SREK1IP1: variants seen among roughly 807,000 people sequenced by gnomAD.
SREK1IP1 encodes SREK1 interacting protein 1, also known as protein SREK1IP1.
A neutral mutation model predicts 22.8 loss-of-function variants in SREK1IP1; 12 were observed. That is an observed-to-expected ratio of 0.53 (90% CI 0.34 to 0.85). The LOEUF (loss-of-function observed/expected upper bound fraction) is 0.85, where lower values mean the gene tolerates loss of function less well. Among genes scored for constraint, SREK1IP1 ranks in the 40% least tolerant of loss-of-function variants. The probability of loss-of-function intolerance (pLI) is 0.02; values close to 1 mark genes in which losing one functional copy is unlikely to be tolerated. For missense variants in SREK1IP1, 147 were observed against 171.8 expected, an observed-to-expected ratio of 0.86 and a Z score of 0.81; for synonymous variants, 53 against 52.7, an observed-to-expected ratio of 1.01 and a Z score of -0.02.
At chr5:64,745,604 C>T (rs1174310219) in intron 2 of SREK1IP1, among the ~76,000 whole-genome samples, 12 of 151,872 alleles carry the variant, frequency 7.9e-5, no homozygotes, top group Admixed American at 7.9e-4. Flanking sequence ...AAAAAAACTC[C>T]TGATGCTCAA....
At chr5:64,729,697 G>A (rs1166544994) in intron 3 of SREK1IP1, among the ~76,000 whole-genome samples, 1 of 152,116 alleles carries the variant, frequency 6.6e-6, no homozygotes, top group African/African-American at 2.4e-5. Flanking sequence ...GCCAGAGATG[G>A]TGTCCTGAGG....
In SREK1IP1 at chr5:64,722,382, C is replaced by T. The variant is rs1742182541; in HGVS notation, c.*2002G>A. ...AACTTACAAGTAATTAACTATTTCA[C>T]TACAATTACTATCATTTTTAACTAT... On this transcript the variant is annotated 3_prime_UTR_variant, in exon 5 of 5. Coordinates refer to ENST00000513458, the MANE Select transcript of SREK1IP1 (RefSeq NM_173829.4). 2 of 152,154 alleles carry T rather than the reference C, an allele frequency of 1.3e-5. No individual in the cohort carries two copies. Among genetic ancestry groups the T allele is most frequent in the Non-Finnish European group, 2.9e-5 (2 of 68,028 alleles). 9.4% of individuals were successfully genotyped at this position (152,154 alleles called of 1,614,324 possible).
chr5:64,725,016 A>T (rs942812963), intron 4 of SREK1IP1, among the ~76,000 whole-genome samples: 8 of 152,312 alleles, frequency 5.3e-5, no homozygotes, highest in Non-Finnish European at 7.4e-5. Context: ...GTACGTTCAT[A>T]TGAATGAATG....
intron 3 of SREK1IP1, among the ~76,000 whole-genome samples, chr5:64,736,041 A>G (rs1396513925): frequency 6.6e-6 from 1 of 152,174 alleles, no homozygotes; most frequent in African/African-American, 2.4e-5. Flanking sequence ...GGCATACCAC[A>G]AATGTGTTTT....
intron 2 of SREK1IP1, among the ~76,000 whole-genome samples, chr5:64,752,291 A>G (rs1742760066): frequency 6.6e-6 from 1 of 151,702 alleles, no homozygotes; most frequent in Non-Finnish European, 1.5e-5. Flanking sequence ...AGCTGGGACT[A>G]CAGGCGCCCG....
chr5:64,740,461 G>C (rs1317567074), intron 3 of SREK1IP1, among the ~76,000 whole-genome samples: 1 of 151,960 alleles, frequency 6.6e-6, no homozygotes, highest in Non-Finnish European at 1.5e-5. Context: ...AACTTTCTTT[G>C]GTATAAGTAA....
chr5:64,718,411 A>G lies in SREK1IP1; in HGVS notation c.*5973T>C, dbSNP rs528618123. 6.5e-6 allele frequency: 1 copy of G among 154,984 alleles called. No homozygotes were observed. The highest frequency in any genetic ancestry group is 6.5e-5 in the Admixed American group (1 of 15,400). 9.6% of individuals were successfully genotyped at this position (154,984 alleles called of 1,614,324 possible). Reference sequence around the variant, plus strand: ...TCTTATGAGATGGTACTGGATAGGTAAATATCAAGGGAACTGTCTTAAAAA... The same window carrying G: ...TCTTATGAGATGGTACTGGATAGGTGAATATCAAGGGAACTGTCTTAAAAA... On this transcript the variant is annotated 3_prime_UTR_variant, in exon 5 of 5. Coordinates refer to ENST00000513458, the MANE Select transcript of SREK1IP1 (RefSeq NM_173829.4).
At chr5:64,764,558 A>C (rs757384788) in intron 1 of SREK1IP1, among the ~76,000 whole-genome samples, 4 of 152,148 alleles carry the variant, frequency 2.6e-5, no homozygotes, top group Non-Finnish European at 5.9e-5. Flanking sequence ...CATGCTTGGG[A>C]GTGTGCACTG....
intron 3 of SREK1IP1, among the ~76,000 whole-genome samples, chr5:64,733,339 G>A (rs1345798418): frequency 6.6e-6 from 1 of 151,944 alleles, no homozygotes; most frequent in African/African-American, 2.4e-5. Flanking sequence ...CATGTATAAA[G>A]AACATACAAA....
intron 3 of SREK1IP1, among the ~76,000 whole-genome samples, chr5:64,731,852 TTC>T (rs1374904405): frequency 4.6e-5 from 7 of 152,164 alleles, no homozygotes; most frequent in Non-Finnish European, 8.8e-5. Context: ...CAGCTCTCAG[TTC>T]TCTCTCTTCC....
chr5:64,756,487 T>C (rs1271507528), intron 1 of SREK1IP1, among the ~76,000 whole-genome samples: 2 of 152,250 alleles, frequency 1.3e-5, no homozygotes, highest in Non-Finnish European at 2.9e-5. Context: ...ATAGCATGTA[T>C]TAGAATTTTA....
Position 64,736,508 on chromosome 5 carries a change from C to A in SREK1IP1, c.205+4549G>T, listed in dbSNP as rs187030224. Among the ~76,000 whole-genome samples the A allele has an allele frequency of 1.3e-3, 189 of 150,630 alleles. 1 individual carries two copies. The highest frequency in any genetic ancestry group is 3.4e-3 in the Middle Eastern group (1 of 290). On this transcript the variant is annotated intron_variant, in intron 3 of 4. Coordinates refer to ENST00000513458, the MANE Select transcript of SREK1IP1 (RefSeq NM_173829.4). ...ATGGAGTTTCACTCTGTTGCTCAGG[C>A]TGGAATGCAGTGGCATGATCTCGGC...
chr5:64,728,253 G>T, intron 3 of SREK1IP1, 74 bp from the exon 4 acceptor site: 1 of 1,182,986 alleles, frequency 8.5e-7, no homozygotes, highest in African/African-American at 1.6e-5. Flanking sequence ...ATGTATATAT[G>T]TTAAAATTTT....
intron 3 of SREK1IP1, among the ~76,000 whole-genome samples, chr5:64,733,683 G>A (rs919012240): frequency 2.6e-5 from 4 of 151,988 alleles, no homozygotes; most frequent in Admixed American, 6.6e-5. Flanking sequence ...AAAGACTTAC[G>A]TTCACCCAAA....
Position 64,722,042 on chromosome 5 carries a change from G to A in SREK1IP1, c.*2342C>T, listed in dbSNP as rs1430247487. 1.3e-5 allele frequency: 2 copies of A among 151,994 alleles called. No individual in the cohort carries two copies. The highest frequency in any genetic ancestry group is 6.6e-5 in the Admixed American group (1 of 15,256). The allele number at this position is 151,994 out of a possible 1,614,324, so 9.4% of individuals were successfully genotyped here. A position where few individuals can be genotyped will look rare whatever the true frequency, so the allele number is the denominator to read the frequency against. On this transcript the variant is annotated 3_prime_UTR_variant, in exon 5 of 5. Coordinates refer to ENST00000513458, the MANE Select transcript of SREK1IP1 (RefSeq NM_173829.4). ...CTTCTGGTACATACTGCCTGGGAGG[G>A]AATTTCATTAATTTTCTTCTAAAAC... is the stretch of plus-strand genomic sequence containing the variant.
At chr5:64,726,348 G>A (rs992656055) in intron 4 of SREK1IP1, among the ~76,000 whole-genome samples, 2 of 152,020 alleles carry the variant, frequency 1.3e-5, no homozygotes, top group African/African-American at 2.4e-5. Context: ...GGCTGAGGCA[G>A]GCGGATCACA....
At chr5:64,732,074 C>A (rs1740466676) in intron 3 of SREK1IP1, among the ~76,000 whole-genome samples, 1 of 152,184 alleles carries the variant, frequency 6.6e-6, no homozygotes, top group Admixed American at 6.5e-5. Flanking sequence ...CTACTTATCT[C>A]TATTTCTAGT....
chr5:64,726,616 C>T (rs1057481826), intron 4 of SREK1IP1, among the ~76,000 whole-genome samples: 1 of 150,760 alleles, frequency 6.6e-6, no homozygotes, highest in Non-Finnish European at 1.5e-5. Flanking sequence ...TGTACTTCAA[C>T]TTATGATGGA....
rs1348448161 is a variant in SREK1IP1 at position 64,722,219 on chromosome 5, T to C, written c.*2165A>G. 1 of 152,106 alleles carries C rather than the reference T, an allele frequency of 6.6e-6. No individual in the cohort carries two copies. The highest frequency in any genetic ancestry group is 3.2e-3 in the Middle Eastern group (1 of 316). 9.4% of individuals were successfully genotyped at this position (152,106 alleles called of 1,614,324 possible). A position where few individuals can be genotyped will look rare whatever the true frequency, so the allele number is the denominator to read the frequency against. Reference sequence around the variant, plus strand: ...GCCAACATCATTTCTGGGGGGAAAATTACTGATCATTAAAATATTTTAATT... The same window carrying C: ...GCCAACATCATTTCTGGGGGGAAAACTACTGATCATTAAAATATTTTAATT... On this transcript the variant is annotated 3_prime_UTR_variant, in exon 5 of 5. Transcript: ENST00000513458.
Sources: gnomAD v4.1 joint callset for allele counts (sites outside exome capture counted in the v4.1 genomes callset) on GRCh38, gnomAD v4.1.1 for gene constraint, MANE v1.5 for transcripts, NCBI Gene and HGNC (gene_info 2026-07-23, HGNC 2026-07-21) for gene names.